The following OR14I1 variants were observed in gnomAD, a reference collection of about 807,000 sequenced individuals.
OR14I1 encodes the protein olfactory receptor family 14 subfamily I member 1.
For missense variants in OR14I1, 279 were observed against 181.8 expected, an observed-to-expected ratio of 1.53 and a Z score of -3.07; for synonymous variants, 118 against 71.1, an observed-to-expected ratio of 1.66 and a Z score of -3.32.
downstream of OR14I1, among the ~76,000 whole-genome samples, chr1:248,678,383 C>A (rs1661509169): frequency 6.6e-6 from 1 of 152,100 alleles, no homozygotes. Flanking sequence ...ATTAAATAAA[C>A]CTTAACAAAT....
downstream of OR14I1, among the ~76,000 whole-genome samples, chr1:248,679,277 C>T (rs886270073): frequency 1.3e-5 from 2 of 152,032 alleles, no homozygotes; most frequent in Non-Finnish European, 2.9e-5. Flanking sequence ...TCAACGTAAG[C>T]ATTAAAAAAT....
chr1:248,689,544 T>G, the OR14I1 span, among the ~76,000 whole-genome samples: 2 of 152,200 alleles, frequency 1.3e-5, no homozygotes, highest in African/African-American at 2.4e-5. Flanking sequence ...AATCTTCAGT[T>G]GCAGCGTGAG....
upstream of OR14I1, among the ~76,000 whole-genome samples, chr1:248,684,753 C>CACATATATATATATATATATAT (rs748883170): frequency 1.3e-5 from 2 of 148,244 alleles, no homozygotes; most frequent in African/African-American, 5.3e-5. Flanking sequence ...AATACACACA[C>CACATATATATATATATATATAT]ATACATATAT....
chr1:248,686,921 T>G (rs1661665460), upstream of OR14I1, among the ~76,000 whole-genome samples: 2 of 152,216 alleles, frequency 1.3e-5, no homozygotes, highest in African/African-American at 2.4e-5. Flanking sequence ...ATGTATAATA[T>G]ATCAAGGAGA....
chr1:248,681,788 G>A (rs755483196), exon 1 of OR14I1: 1 of 781,074 alleles, frequency 1.3e-6, no homozygotes, highest in Admixed American at 1.7e-5. Context: ...AAGAACTGGT[G>A]GATCACACTG....
At chr1:248,693,452 A>G in the OR14I1 span, among the ~76,000 whole-genome samples, 6 of 152,232 alleles carry the variant, frequency 3.9e-5, no homozygotes, top group African/African-American at 1.4e-4. Flanking sequence ...CACAGTAAAA[A>G]TAGTTACCAC....
chr1:248,685,722 GTA>G (rs982639966), upstream of OR14I1, among the ~76,000 whole-genome samples: 18 of 149,474 alleles, frequency 1.2e-4, no homozygotes, highest in African/African-American at 4.4e-4. Context: ...TACATGTATA[GTA>G]TATATATACA....
At chr1:248,691,825 C>T in the OR14I1 span, 3,942 of 152,592 alleles carry the variant, frequency 0.026, 188 homozygotes, top group African/African-American at 0.089. Context: ...ACCCCGCCCA[C>T]CTCAGGACGC....
chr1:248,681,306 A>G (rs569960364), downstream of OR14I1: 111 of 598,226 alleles, frequency 1.9e-4, 1 homozygote, highest in African/African-American at 2.0e-3. Context: ...TTTTTTTGTC[A>G]TAAAGTATTT....
chr1:248,686,265 C>G (rs920670512), upstream of OR14I1, among the ~76,000 whole-genome samples: 1 of 152,156 alleles, frequency 6.6e-6, no homozygotes, highest in Non-Finnish European at 1.5e-5. Context: ...GGGGAACCTA[C>G]AAATACATTT....
upstream of OR14I1, among the ~76,000 whole-genome samples, chr1:248,686,884 T>C (rs1429655525): frequency 1.3e-5 from 2 of 152,210 alleles, no homozygotes; most frequent in Non-Finnish European, 2.9e-5. Flanking sequence ...CAATTTAACA[T>C]GCAAACTCAG....
chr1:248,681,320 C>A (rs1661557622), downstream of OR14I1: 2 of 613,074 alleles, frequency 3.3e-6, no homozygotes, highest in Admixed American at 2.6e-5. Flanking sequence ...AGTATTTATG[C>A]TTTTTTGGGG....
At chr1:248,693,916 A>AT in the OR14I1 span, among the ~76,000 whole-genome samples, 1 of 149,034 alleles carries the variant, frequency 6.7e-6, no homozygotes, top group Non-Finnish European at 1.5e-5. Flanking sequence ...AAAAAAAAAA[A>AT]CCATTTACTG....
the OR14I1 span, among the ~76,000 whole-genome samples, chr1:248,697,749 C>T: frequency 4.6e-5 from 7 of 152,280 alleles, no homozygotes; most frequent in Non-Finnish European, 1.0e-4. Context: ...CTCCACTGCA[C>T]TCCAGCCTGG....
chr1:248,680,577 T>C (rs28520471), downstream of OR14I1, among the ~76,000 whole-genome samples: 20,941 of 152,150 alleles, frequency 0.14, 1,489 homozygotes, highest in African/African-American at 0.17. Context: ...TCAGGTGTTC[T>C]GACAAAATAA....
downstream of OR14I1, among the ~76,000 whole-genome samples, chr1:248,681,107 A>G (rs1269132174): frequency 6.6e-6 from 1 of 151,972 alleles, no homozygotes; most frequent in Non-Finnish European, 1.5e-5. Flanking sequence ...GGAATAAATC[A>G]CCACAACAAG....
At chr1:248,692,242 C>T in the OR14I1 span, 2 of 152,674 alleles carry the variant, frequency 1.3e-5, no homozygotes, top group Non-Finnish European at 2.9e-5. Flanking sequence ...TTGGGGTCCT[C>T]CCGCATTTCC....
chr1:248,681,181 T>C (rs1174062560), downstream of OR14I1, among the ~76,000 whole-genome samples: 1 of 152,178 alleles, frequency 6.6e-6, no homozygotes, highest in Non-Finnish European at 1.5e-5. Context: ...CTTTTAGTTT[T>C]TGAAGAAACA....
At chr1:248,695,898 C>T in the OR14I1 span, among the ~76,000 whole-genome samples, 7 of 152,206 alleles carry the variant, frequency 4.6e-5, no homozygotes, top group Non-Finnish European at 7.3e-5. Flanking sequence ...TTGGAATGTT[C>T]GCAAGAGTTT....
Sources: allele counts gnomAD v4.1 joint callset (sites outside exome capture counted in the v4.1 genomes callset), GRCh38; gene constraint gnomAD v4.1.1; transcripts MANE v1.5; gene names NCBI Gene and HGNC (gene_info 2026-07-23, HGNC 2026-07-21).